The following ZNF516 variants were observed in gnomAD, a reference collection of about 807,000 sequenced individuals.
ZNF516 encodes zinc finger protein 516.
In ZNF516, 19 loss-of-function variants were observed where a neutral mutation model predicts 79.7. That is an observed-to-expected ratio of 0.24 (90% CI 0.17 to 0.35). The LOEUF is 0.35. Among genes scored for constraint, ZNF516 ranks in the 10% least tolerant of loss-of-function variants. The pLI, the probability that ZNF516 is intolerant of heterozygous loss-of-function variation, is 1.00. For missense variants in ZNF516, 1,678 were observed against 1,679.5 expected (o/e 1.00, Z 0.02); for synonymous variants, 877 against 739.5 (o/e 1.19, Z -3.02).
At chr18:76,402,763 G>A (rs576350325) in intron 3 of ZNF516, among the ~76,000 whole-genome samples, 4 of 152,368 alleles carry the variant, frequency 2.6e-5, no homozygotes, top group East Asian at 1.9e-4. Context: ...GAGCTCCATC[G>A]GGCCGCTGCG....
Position 76,371,524 on chromosome 18 carries a change from A to G in ZNF516, c.3307T>C (p.Cys1103Arg). Residue 1103 changes from cysteine to arginine, a missense_variant, in exon 5 of 7, where the codon TGC (cysteine) becomes CGC (arginine). Coordinates refer to ENST00000443185, the MANE Select transcript of ZNF516 (RefSeq NM_014643.4). ...CCGGGCTGGTGGAAGCTCTTTCCGC[A>G]CTCGATGCAGACGAACTCTCCTGGC... ...ARPGEFVCIE[C>R]GKSFHQPGHL... 1 of 1,610,758 alleles carries G rather than the reference A, an allele frequency of 6.2e-7. No homozygotes were observed. The highest frequency in any genetic ancestry group is 8.5e-7 in the Non-Finnish European group (1 of 1,179,784).
rs979443348 is a variant in ZNF516 at position 76,416,487 on chromosome 18, G to A, written c.1810+24758C>T. On this transcript the variant is annotated intron_variant, in intron 3 of 6. Transcript: ENST00000443185. The stretch of plus-strand genomic sequence containing the variant: ...CAAACTTACTGTTTGGGGGTTTGGG[G>A]ATTTTAGTCAAATATTTAATCCTGT... Among the ~76,000 whole-genome samples the A allele has an allele frequency of 3.3e-5, 5 of 152,228 alleles. No individual in the cohort carries two copies. In the East Asian group the frequency reaches 9.6e-4, roughly 29 times the overall value.
At chr18:76,433,140 C>T (rs1321688059) in intron 3 of ZNF516, among the ~76,000 whole-genome samples, 1 of 152,222 alleles carries the variant, frequency 6.6e-6, no homozygotes, top group African/African-American at 2.4e-5. Flanking sequence ...GCCTCTGCTG[C>T]GACTGCTGTT....
chr18:76,430,985 A>G (rs866032756), intron 3 of ZNF516, among the ~76,000 whole-genome samples: 1 of 152,232 alleles, frequency 6.6e-6, no homozygotes, highest in South Asian at 2.1e-4. Flanking sequence ...CTGGAGTCTT[A>G]CTTTCTAACC....
chr18:76,473,546 A>C (rs756655844), intron 1 of ZNF516, among the ~76,000 whole-genome samples: 6 of 152,286 alleles, frequency 3.9e-5, no homozygotes, highest in Non-Finnish European at 7.4e-5. Context: ...TCACGCCTGT[A>C]ATCACAGCAC....
intron 2 of ZNF516, among the ~76,000 whole-genome samples, chr18:76,460,466 C>T (rs1053199975): frequency 2.0e-5 from 3 of 152,126 alleles, no homozygotes; most frequent in African/African-American, 7.2e-5. Context: ...TACAAAGTAA[C>T]ATCCGGGGCT....
At position 76,467,176 on chromosome 18, in the gene ZNF516, G is replaced by C. The variant is rs1212477887; in HGVS notation, c.-271-4035C>G. Among the ~76,000 whole-genome samples the C allele has an allele frequency of 6.0e-5, 7 of 116,232 alleles. No homozygotes were observed. In the South Asian group the frequency reaches 2.5e-3, roughly 41 times the overall value. The allele number at this position is 116,232 out of a possible 152,430, so 76.3% of individuals were successfully genotyped here. A position where few individuals can be genotyped will look rare whatever the true frequency, so the allele number is the denominator to read the frequency against. ...CACAGCCCTTCTGGGTTGGCAGGAA[G>C]TCCTGCGTGTCTCTCGGAACCTGCA... On this transcript the variant is annotated intron_variant, in intron 1 of 6. Transcript: ENST00000443185. This position sits in a 1 kb window ranked among gnomAD's most constrained non-coding sequence, Gnocchi z 4.2.
At chr18:76,402,834 C>T (rs2075249718) in intron 3 of ZNF516, among the ~76,000 whole-genome samples, 2 of 152,264 alleles carry the variant, frequency 1.3e-5, no homozygotes, top group African/African-American at 4.8e-5. Context: ...CGTCTGCGCT[C>T]GCAGGACCAC....
chr18:76,493,208 G>C lies in ZNF516; in HGVS notation c.-272+1936C>G, dbSNP rs894382696. ...GTTTGCCTTCTTTAAGGAGGGAGGC[G>C]TCAGACGATATCCATTTAAATATAT... is the stretch of plus-strand genomic sequence containing the variant. On this transcript the variant is annotated intron_variant, in intron 1 of 6. Transcript: ENST00000443185. The surrounding 1 kb of genome is among the most constrained non-coding windows in gnomAD (Gnocchi z 5.2). 3 of 973,212 alleles carry C rather than the reference G, an allele frequency of 3.1e-6. No individual in the cohort carries two copies. The African/African-American group carries it at 5.3e-5, about 17-fold the overall frequency. 60.3% of individuals were successfully genotyped at this position (973,212 alleles called of 1,614,324 possible).
chr18:76,392,068 G>A (rs899886826), intron 3 of ZNF516, among the ~76,000 whole-genome samples: 12 of 152,204 alleles, frequency 7.9e-5, no homozygotes, highest in African/African-American at 1.4e-4. Context: ...CCTCATTTCC[G>A]CCACCAGCGA....
In ZNF516 at chr18:76,378,974, A is replaced by C; in HGVS notation, c.3140T>G (p.Val1047Gly). ...PVLHSIKQEP[V>G]AEGHEKRLDI... Reference sequence around the variant, plus strand: ...CAGGCGCTTCTCATGCCCCTCGGCCACCGGCTCCTGTTTGATGGAGTGTAG... The same window carrying C: ...CAGGCGCTTCTCATGCCCCTCGGCCCCCGGCTCCTGTTTGATGGAGTGTAG... The change falls in exon 4 of 7, where the codon GTG (valine) becomes GGG (glycine). Residue 1047 changes from valine to glycine, a missense_variant. This residue lies in a region of ZNF516 where 1,294 missense variants were observed against 1,248.3 expected (regional missense o/e 1.04). Coordinates refer to ENST00000443185, the MANE Select transcript of ZNF516 (RefSeq NM_014643.4). 6.2e-7 allele frequency: 1 copy of C among 1,613,636 alleles called. No individual in the cohort carries two copies. Among genetic ancestry groups the C allele is most frequent in the East Asian group, 2.2e-5 (1 of 44,860 alleles).
chr18:76,428,782 A>G (rs1429922118), intron 3 of ZNF516, among the ~76,000 whole-genome samples: 1 of 152,270 alleles, frequency 6.6e-6, no homozygotes, highest in Non-Finnish European at 1.5e-5. Flanking sequence ...CAGTCAACAG[A>G]GGAGGATCGC....
intron 1 of ZNF516, among the ~76,000 whole-genome samples, chr18:76,494,471 C>T (rs1915399797): frequency 6.7e-6 from 1 of 149,796 alleles, no homozygotes; most frequent in African/African-American, 2.5e-5. Flanking sequence ...CACCCCCGCC[C>T]GAACTTCCCT....
rs562545121 is a variant in ZNF516 at position 76,459,262 on chromosome 18, G to T, written c.-158+3766C>A. 1.2e-4 allele frequency among the ~76,000 whole-genome samples: 19 copies of T among 152,284 alleles called. No individual in the cohort carries two copies. Among genetic ancestry groups the T allele is most frequent in the African/African-American group, 4.6e-4 (19 of 41,554 alleles). On this transcript the variant is annotated intron_variant, in intron 2 of 6. Coordinates refer to ENST00000443185, the MANE Select transcript of ZNF516 (RefSeq NM_014643.4). The surrounding 1 kb of genome is among the most constrained non-coding windows in gnomAD (Gnocchi z 5.0). Reference sequence around the variant, plus strand: ...AGCTTCGGCTTCTCCTCCATGCACGGTCACTGCTGGAGGCACACTGGACCC... The same window carrying T: ...AGCTTCGGCTTCTCCTCCATGCACGTTCACTGCTGGAGGCACACTGGACCC...
At position 76,368,591 on chromosome 18, in the gene ZNF516, A is replaced by C. The variant is rs373074704; in HGVS notation, c.3432+1937T>G. Among the ~76,000 whole-genome samples, 9 of 152,310 alleles carry C rather than the reference A, an allele frequency of 5.9e-5. No individual in the cohort carries two copies. The South Asian group carries it at 1.7e-3, about 28-fold the overall frequency. ...AAGTCTGAAAGCCACATTCACTCAGACCACAATATTGAGTTACTGTAAACT... is the reference window on the plus strand; with the variant it reads ...AAGTCTGAAAGCCACATTCACTCAGCCCACAATATTGAGTTACTGTAAACT... On this transcript the variant is annotated intron_variant, in intron 6 of 6. Transcript: ENST00000443185.
chr18:76,432,157 C>G (rs1285073180), intron 3 of ZNF516, among the ~76,000 whole-genome samples: 2 of 152,248 alleles, frequency 1.3e-5, no homozygotes, highest in Non-Finnish European at 2.9e-5. Flanking sequence ...AATGTGGCGC[C>G]CACAGCACTC....
chr18:76,427,494 A>T (rs913676266), intron 3 of ZNF516, among the ~76,000 whole-genome samples: 5 of 152,250 alleles, frequency 3.3e-5, no homozygotes, highest in African/African-American at 4.8e-5. Context: ...ACCTCACAGA[A>T]TATATACGAG....
chr18:76,484,303 T>A (rs559279829), intron 1 of ZNF516, among the ~76,000 whole-genome samples: 25 of 152,318 alleles, frequency 1.6e-4, no homozygotes, highest in African/African-American at 5.3e-4. Flanking sequence ...AAAAATCACC[T>A]CCAAGTTTCC....
chr18:76,382,689 TCA>T (rs2074912778), intron 3 of ZNF516, among the ~76,000 whole-genome samples: 1 of 152,068 alleles, frequency 6.6e-6, no homozygotes, highest in African/African-American at 2.4e-5. Context: ...GGCGGGCAGA[TCA>T]CTTGGGGCCA....
Sources: gnomAD v4.1 joint callset for allele counts (sites outside exome capture counted in the v4.1 genomes callset) on GRCh38, gnomAD v4.1.1 for gene constraint, gnomAD v4.1.1 regional missense constraint, Gnocchi (gnomAD v3.1) non-coding constraint, MANE v1.5 for transcripts, NCBI Gene and HGNC (gene_info 2026-07-23, HGNC 2026-07-21) for gene names.